Variants in NUP88 observed in about 807,000 individuals in gnomAD.
The protein encoded by NUP88 is nucleoporin 88.
Under a neutral mutation model 93.9 loss-of-function variants are expected in NUP88, and 57 were observed. The ratio of observed to expected loss-of-function variants is 0.61; its 90% CI spans 0.49 to 0.76. The LOEUF (loss-of-function observed/expected upper bound fraction) is 0.76, where lower values mean the gene tolerates loss of function less well. Among genes scored for constraint, NUP88 ranks in the 30% least tolerant of loss-of-function variants. The pLI is 0.00. For synonymous variants in NUP88, 346 were observed against 336.8 expected, an observed-to-expected ratio of 1.03 and a Z score of -0.30; for missense variants, 911 against 901.0, an observed-to-expected ratio of 1.01 and a Z score of -0.14.
chr17:5,387,304 G>A lies in NUP88; in HGVS notation c.1916+82C>T, dbSNP rs541576570. The A allele has an allele frequency of 1.7e-5, 22 of 1,326,100 alleles. No individual in the cohort carries two copies. In the East Asian group the frequency reaches 2.5e-4, roughly 15 times the overall value. The allele number at this position is 1,326,100 out of a possible 1,614,324, so 82.1% of individuals were successfully genotyped here. On this transcript the variant is annotated intron_variant, in intron 14 of 16. Transcript: ENST00000573584. ...GGGATCAGTTCAGTTCCGTAGGTAT[G>A]TAAGCACCTGCCAATGCCCATTTTC...
At chr17:5,398,974 C>T (rs564537390) in intron 8 of NUP88, among the ~76,000 whole-genome samples, 97 of 151,026 alleles carry the variant, frequency 6.4e-4, no homozygotes, top group Non-Finnish European at 1.1e-3. Flanking sequence ...CTGCAAGCTC[C>T]GCCTCCCAGG....
At chr17:5,409,297 C>G (rs1182432269) in intron 4 of NUP88, among the ~76,000 whole-genome samples, 1 of 150,388 alleles carries the variant, frequency 6.6e-6, no homozygotes, top group African/African-American at 2.5e-5. Context: ...TTGCTTGAAC[C>G]TGGGAGGCGG....
chr17:5,404,633 A>C (rs1913381093), intron 6 of NUP88, among the ~76,000 whole-genome samples: 1 of 152,170 alleles, frequency 6.6e-6, no homozygotes, highest in African/African-American at 2.4e-5. Flanking sequence ...AATAATAAAA[A>C]ATAAATAAAA....
chr17:5,404,242 T>C lies in NUP88; in HGVS notation c.1049A>G (p.Glu350Gly). ...GTCAATCCTGGAATCCCAGGACTTTTCTGACTGTAAAAAAAAGTGTTGTAA... is the reference window on the plus strand; with the variant it reads ...GTCAATCCTGGAATCCCAGGACTTTCCTGACTGTAAAAAAAAGTGTTGTAA... ...EGEEEDDHTS[E>G]KSWDSRIDLI... Residue 350 changes from glutamate (E) to glycine (G), a missense_variant, in exon 7 of 17, where the codon GAA becomes GGA. Coordinates refer to ENST00000573584, the MANE Select transcript of NUP88 (RefSeq NM_002532.6). 6.2e-7 allele frequency: 1 copy of C among 1,611,372 alleles called. No homozygotes were observed. The highest frequency in any genetic ancestry group is 8.5e-7 in the Non-Finnish European group (1 of 1,179,064).
intron 3 of NUP88, among the ~76,000 whole-genome samples, chr17:5,411,775 CT>C (rs1913858542): frequency 6.6e-6 from 1 of 152,084 alleles, no homozygotes; most frequent in Non-Finnish European, 1.5e-5. Context: ...TCCAGTGTCC[CT>C]TATAATCACT....
rs541385045 is a variant in NUP88 at position 5,387,688 on chromosome 17, A to T, written c.1770-18T>A. ...ATTTGACCCTTTAAAAACAAAAAGAAATAGAGTTTATTCAGAAGCCAGGTC... is the reference window on the plus strand; with the variant it reads ...ATTTGACCCTTTAAAAACAAAAAGATATAGAGTTTATTCAGAAGCCAGGTC... On this transcript the variant is annotated intron_variant, in intron 12 of 16. Coordinates refer to ENST00000573584, the MANE Select transcript of NUP88 (RefSeq NM_002532.6). The T allele has an allele frequency of 3.0e-5, 48 of 1,609,856 alleles. No homozygotes were observed. The highest frequency in any genetic ancestry group is 3.9e-5 in the Non-Finnish European group (46 of 1,177,916).
rs765382484 is a variant in NUP88 at position 5,386,210 on chromosome 17, A to T, written c.2222T>A (p.Phe741Tyr). The T allele has an allele frequency of 1.9e-6, 3 of 1,613,004 alleles. No individual in the cohort carries two copies. In the South Asian group the frequency reaches 3.3e-5, roughly 18 times the overall value. The change falls in exon 17 of 17, where the codon TTC becomes TAC. Residue 741 changes from phenylalanine to tyrosine, a missense_variant. Physicochemically the swap from Phe to Tyr is conservative, Grantham distance 22. Transcript: ENST00000573584. ...QINDIRNHVNF is the reference protein window; with the variant it reads ...QINDIRNHVNY ...GTGAGTCAGCTCCTGGTGGTGTCAG[A>T]AGTTTACATGATTGCGGATATCATT...
chr17:5,410,288 T>C (rs1376781965), intron 4 of NUP88, among the ~76,000 whole-genome samples: 1 of 152,234 alleles, frequency 6.6e-6, no homozygotes, highest in Non-Finnish European at 1.5e-5. Context: ...AACCATGCTG[T>C]TTTTATATTT....
At chr17:5,413,360 G>T (rs3026144) in intron 3 of NUP88, among the ~76,000 whole-genome samples, 1 of 152,024 alleles carries the variant, frequency 6.6e-6, no homozygotes, top group East Asian at 1.9e-4. Flanking sequence ...ATTAAGGGGT[G>T]AGTCATTCAG....
chr17:5,401,924 TG>T (rs1255290901), intron 7 of NUP88, among the ~76,000 whole-genome samples: 1 of 152,218 alleles, frequency 6.6e-6, no homozygotes, highest in Admixed American at 6.5e-5. Context: ...CTAAGAAATC[TG>T]GTGTGCCTCA....
At chr17:5,410,453 T>C (rs942662559) in intron 4 of NUP88, among the ~76,000 whole-genome samples, 2 of 144,180 alleles carry the variant, frequency 1.4e-5, no homozygotes, top group African/African-American at 5.4e-5. Flanking sequence ...GATAAAGAAA[T>C]GAATGGTGGC....
intron 1 of NUP88, among the ~76,000 whole-genome samples, chr17:5,418,605 C>T (rs971338199): frequency 3.3e-5 from 5 of 152,022 alleles, no homozygotes; most frequent in Non-Finnish European, 7.4e-5. Context: ...TAGACTCCTG[C>T]CCTATTTTCA....
intron 3 of NUP88, among the ~76,000 whole-genome samples, chr17:5,412,227 G>C (rs1365471941): frequency 6.6e-6 from 1 of 152,188 alleles, no homozygotes; most frequent in Non-Finnish European, 1.5e-5. Flanking sequence ...AAGAGAGGAT[G>C]TCAAAGATTC....
chr17:5,386,367 T>A, intron 16 of NUP88, 98 bp from the exon 17 acceptor site: 1 of 931,688 alleles, frequency 1.1e-6, no homozygotes, highest in Non-Finnish European at 1.7e-6. Context: ...ATCTAAGAAC[T>A]GCTTTGCTAA....
At chr17:5,398,045 TA>T (rs1912890732) in intron 8 of NUP88, among the ~76,000 whole-genome samples, 1 of 151,826 alleles carries the variant, frequency 6.6e-6, no homozygotes, top group African/African-American at 2.4e-5. Context: ...TAGCTGGGAT[TA>T]CAGGCATCCG....
chr17:5,412,713 A>G (rs1567576902), intron 3 of NUP88, among the ~76,000 whole-genome samples: 1 of 151,942 alleles, frequency 6.6e-6, no homozygotes, highest in South Asian at 2.1e-4. Flanking sequence ...CCACATCAAC[A>G]GAGTTCACTA....
intron 9 of NUP88, among the ~76,000 whole-genome samples, chr17:5,391,982 G>GT (rs76204666): frequency 0.44 from 66,321 of 151,948 alleles, 15,228 homozygotes; most frequent in East Asian, 0.84. Flanking sequence ...CTAGCCCAGT[G>GT]CTAACAAATT....
Position 5,385,173 on chromosome 17 carries a change from T to C in NUP88, c.*1033A>G, listed in dbSNP as rs1911846093. 1 of 229,834 alleles carries C rather than the reference T, an allele frequency of 4.4e-6. No individual in the cohort carries two copies. The highest frequency in any genetic ancestry group is 8.6e-6 in the Non-Finnish European group (1 of 116,040). 14.2% of individuals were successfully genotyped at this position (229,834 alleles called of 1,614,324 possible). A position where few individuals can be genotyped will look rare whatever the true frequency, so the allele number is the denominator to read the frequency against. On this transcript the variant is annotated 3_prime_UTR_variant, in exon 17 of 17. Coordinates refer to ENST00000573584, the MANE Select transcript of NUP88 (RefSeq NM_002532.6). ...GTAGAAAAACCCAAACTGAGACTCTTAAGTTTTGTTTAGCAATGTGTTTCT... is the reference window on the plus strand; with the variant it reads ...GTAGAAAAACCCAAACTGAGACTCTCAAGTTTTGTTTAGCAATGTGTTTCT...
intron 10 of NUP88, 57 bp from the exon 11 acceptor site, chr17:5,389,017 G>A: frequency 7.6e-7 from 1 of 1,307,836 alleles, no homozygotes; most frequent in Non-Finnish European, 1.1e-6. Flanking sequence ...TGTATTACAG[G>A]AAAGCAGAAA....
Sources: allele counts gnomAD v4.1 joint callset (sites outside exome capture counted in the v4.1 genomes callset), GRCh38; gene constraint gnomAD v4.1.1; transcripts MANE v1.5; gene names NCBI Gene and HGNC (gene_info 2026-07-23, HGNC 2026-07-21).